Variants in DNAH6 observed in about 807,000 individuals in gnomAD.
The protein encoded by DNAH6 is dynein axonemal heavy chain 6.
A neutral mutation model predicts 491.4 loss-of-function variants in DNAH6; 340 were observed. The observed-to-expected ratio is 0.69, with a 90% CI of 0.63 to 0.76. DNAH6 has a LOEUF of 0.76. DNAH6 is among the 30% of genes least tolerant of loss of function. The probability of loss-of-function intolerance (pLI) is 0.00; values close to 1 mark genes in which losing one functional copy is unlikely to be tolerated. For missense variants in DNAH6, 4,443 were observed against 4,972.2 expected, an observed-to-expected ratio of 0.89 and a Z score of 3.20; for synonymous variants, 1,603 against 1,686.1, an observed-to-expected ratio of 0.95 and a Z score of 1.21.
intron 37 of DNAH6, among the ~76,000 whole-genome samples, chr2:84,663,061 A>G (rs1321458234): frequency 6.6e-6 from 1 of 152,224 alleles, no homozygotes; most frequent in Non-Finnish European, 1.5e-5. Context: ...AACAGAAAGG[A>G]CATCCACACC....
At position 84,727,605 on chromosome 2, in the gene DNAH6, A is replaced by AT. The variant is rs1698757352; in HGVS notation, c.9973-58dup. 7.6e-6 allele frequency: 8 copies of AT among 1,055,134 alleles called. No homozygotes were observed. In the East Asian group the frequency reaches 1.3e-4, roughly 17 times the overall value. 65.4% of individuals were successfully genotyped at this position (1,055,134 alleles called of 1,614,324 possible). A position where few individuals can be genotyped will look rare whatever the true frequency, so the allele number is the denominator to read the frequency against. On this transcript the variant is annotated intron_variant, in intron 60 of 76. Transcript: ENST00000389394. Reference sequence around the variant, plus strand: ...CACTGAATGCGAACAAGGGAGACAGATTTTTTGTTCTCTGCAGAGAATGAA... The same window carrying AT: ...CACTGAATGCGAACAAGGGAGACAGATTTTTTTGTTCTCTGCAGAGAATGAA...
At chr2:84,672,056 C>T (rs928144442) in intron 39 of DNAH6, among the ~76,000 whole-genome samples, 2 of 152,204 alleles carry the variant, frequency 1.3e-5, no homozygotes, top group Non-Finnish European at 2.9e-5. Flanking sequence ...AGGTTCACTC[C>T]TTGCTGGAGA....
In DNAH6 at chr2:84,697,586, G is replaced by A. The variant is rs1455047778; in HGVS notation, c.7536G>A (p.Glu2512=). 6 of 1,551,486 alleles carry A rather than the reference G, an allele frequency of 3.9e-6. No homozygotes were observed. The highest frequency in any genetic ancestry group is 5.2e-6 in the Non-Finnish European group (6 of 1,146,886). Residue 2512 remains glutamate, a synonymous_variant, in exon 47 of 77, where the codon GAG becomes GAA. Transcript: ENST00000389394. The part of the protein sequence containing the change: ...FLFTDTQIVV[E]EFLEDINNIL... Reference sequence around the variant, plus strand: ...GCTTTCTTCTACAGATTGTAGTGGAGGAGTTCCTAGAAGATATAAATAACA... The same window carrying A: ...GCTTTCTTCTACAGATTGTAGTGGAAGAGTTCCTAGAAGATATAAATAACA...
chr2:84,663,318 A>G (rs1691729755), intron 37 of DNAH6, among the ~76,000 whole-genome samples: 1 of 152,192 alleles, frequency 6.6e-6, no homozygotes, highest in Non-Finnish European at 1.5e-5. Context: ...GGATGTTCAA[A>G]CCCATCACAA....
chr2:84,518,125 T>A (rs1675769150), intron 2 of DNAH6, 74 bp downstream of exon 2: 1 of 1,123,386 alleles, frequency 8.9e-7, no homozygotes, highest in Admixed American at 2.8e-5. Flanking sequence ...AGGATAGAAG[T>A]CATGTCCAGA....
rs1676536570 is a variant in DNAH6 at position 84,525,590 on chromosome 2, A to T, written c.251A>T (p.His84Leu). The T allele has an allele frequency of 1.9e-6, 3 of 1,547,580 alleles. No individual in the cohort carries two copies. Among genetic ancestry groups the T allele is most frequent in the Non-Finnish European group, 8.7e-7 (1 of 1,145,602 alleles). The change falls in exon 3 of 77, where the codon CAT (histidine) becomes CTT (leucine). Residue 84 changes from histidine to leucine, a missense_variant. This residue lies in a region of DNAH6 where 2,977 missense variants were observed against 3,296.6 expected (regional missense o/e 0.90). Coordinates refer to ENST00000389394, the MANE Select transcript of DNAH6 (RefSeq NM_001370.2). ...PLPVLKVYQD[H>L]KQPEYIHEQN... ...CCAGTGCTAAAAGTCTACCAAGATCATAAGCAGCCAGAATACATACATGAA... is the reference window on the plus strand; with the variant it reads ...CCAGTGCTAAAAGTCTACCAAGATCTTAAGCAGCCAGAATACATACATGAA...
intron 37 of DNAH6, among the ~76,000 whole-genome samples, chr2:84,659,758 G>C (rs1289914669): frequency 6.6e-6 from 1 of 152,090 alleles, no homozygotes; most frequent in African/African-American, 2.4e-5. Context: ...TAGGCAAGAG[G>C]GTCACTTGAG....
rs113222939 is a variant in DNAH6, at chr2:84,792,501, T to C, written c.11240-3805T>C. ...TATACGTATGTCAAAACTCCCCAGG[T>C]TGTATACATTAATTATGTGCAGTTT... On this transcript the variant is annotated intron_variant, in intron 68 of 76. Coordinates refer to ENST00000389394, the MANE Select transcript of DNAH6 (RefSeq NM_001370.2). 4.2e-3 allele frequency among the ~76,000 whole-genome samples: 640 copies of C among 152,224 alleles called. 3 individuals carry two copies. Among genetic ancestry groups the C allele is most frequent in the African/African-American group, 0.014 (598 of 41,518 alleles).
At chr2:84,641,376 A>G (rs917877594) in intron 32 of DNAH6, among the ~76,000 whole-genome samples, 11 of 152,086 alleles carry the variant, frequency 7.2e-5, no homozygotes, top group African/African-American at 2.7e-4. Flanking sequence ...CAGGATGGCC[A>G]TTTAAGGACT....
At chr2:84,507,092 A>G in the DNAH6 span, among the ~76,000 whole-genome samples, 1 of 152,094 alleles carries the variant, frequency 6.6e-6, no homozygotes, top group Admixed American at 6.5e-5. Flanking sequence ...GTTTTTTCCA[A>G]TTCTGTGAAG....
chr2:84,686,998 C>T (rs1694323614), intron 44 of DNAH6, among the ~76,000 whole-genome samples: 1 of 152,090 alleles, frequency 6.6e-6, no homozygotes, highest in African/African-American at 2.4e-5. Flanking sequence ...CAGGACTTCC[C>T]CTTTATTGTA....
At chr2:84,796,509 C>A in intron 69 of DNAH6, 84 bp downstream of exon 69, 2 of 1,216,762 alleles carry the variant, frequency 1.6e-6, no homozygotes, top group South Asian at 2.0e-5. Flanking sequence ...CAGGGGCTGT[C>A]TGTGTCAGGT....
chr2:84,529,023 C>G lies in DNAH6; in HGVS notation c.519C>G (p.His173Gln), dbSNP rs376060265. The G allele has an allele frequency of 6.4e-7, 1 of 1,551,312 alleles. No individual in the cohort carries two copies. The highest frequency in any genetic ancestry group is 2.0e-5 in the Admixed American group (1 of 50,968). Residue 173 changes from histidine (H) to glutamine (Q), a missense_variant, in exon 4 of 77, where the codon CAC (histidine) becomes CAG (glutamine). Physicochemically the swap from His to Gln is conservative, Grantham distance 24. Transcript: ENST00000389394. Reference protein sequence around the residue: ...RSSAYPKYTFHDREEVVKANI... With the variant: ...RSSAYPKYTFQDREEVVKANI... ...CAGCTTACCCTAAGTACACTTTTCA[C>G]GACCGAGAAGAAGTTGTTAAAGCCA...
chr2:84,527,385 A>G (rs1446274666), intron 3 of DNAH6, among the ~76,000 whole-genome samples: 1 of 152,068 alleles, frequency 6.6e-6, no homozygotes, highest in African/African-American at 2.4e-5. Flanking sequence ...ACATTTTCCC[A>G]CTGAGTTACA....
At chr2:84,501,886 T>C in the DNAH6 span, among the ~76,000 whole-genome samples, 1 of 151,786 alleles carries the variant, frequency 6.6e-6, no homozygotes, top group Non-Finnish European at 1.5e-5. Flanking sequence ...CCTTTTTTTA[T>C]TTCTGATCTT....
At chr2:84,790,724 T>TA (rs1378619753) in intron 68 of DNAH6, among the ~76,000 whole-genome samples, 28 of 152,146 alleles carry the variant, frequency 1.8e-4, no homozygotes, top group Admixed American at 7.2e-4. Flanking sequence ...TTTTAAAAGA[T>TA]AATAACAAAC....
chr2:84,537,155 CCT>C (rs1677773567), intron 4 of DNAH6, among the ~76,000 whole-genome samples: 1 of 151,836 alleles, frequency 6.6e-6, no homozygotes, highest in Non-Finnish European at 1.5e-5. Context: ...AGCTGTGTAC[CCT>C]CAATAACCTA....
chr2:84,612,185 G>T (rs1433136639), intron 22 of DNAH6, among the ~76,000 whole-genome samples: 2 of 152,028 alleles, frequency 1.3e-5, no homozygotes, highest in Non-Finnish European at 2.9e-5. Context: ...TTTTGACAAC[G>T]AGACAAATAT....
At chr2:84,490,750 C>T in the DNAH6 span, among the ~76,000 whole-genome samples, 148 of 152,072 alleles carry the variant, frequency 9.7e-4, no homozygotes, top group African/African-American at 3.2e-3. Context: ...TTAGTAGAGA[C>T]GGGGTTTCAC....
Sources: gnomAD v4.1 joint callset for allele counts (sites outside exome capture counted in the v4.1 genomes callset) on GRCh38, gnomAD v4.1.1 for gene constraint, gnomAD v4.1.1 regional missense constraint, MANE v1.5 for transcripts, NCBI Gene and HGNC (gene_info 2026-07-23, HGNC 2026-07-21) for gene names.